The following STAG1 variants were observed in gnomAD, a reference collection of about 807,000 sequenced individuals.
The protein encoded by STAG1 is cohesin subunit SA-1.
A neutral mutation model predicts 170.9 loss-of-function variants in STAG1; 26 were observed. The ratio of observed to expected loss-of-function variants is 0.15; its 90% confidence interval spans 0.11 to 0.21. STAG1 has a LOEUF of 0.21. Among genes scored for constraint, STAG1 ranks in the 10% least tolerant of loss-of-function variants. STAG1 has a pLI of 1.00. For missense variants in STAG1, 964 were observed against 1,509.5 expected (o/e 0.64, Z 5.99); for synonymous variants, 514 against 497.7 (o/e 1.03, Z -0.44).
chr3:136,708,479 G>A (rs1381986392), intron 1 of STAG1, among the ~76,000 whole-genome samples: 5 of 152,018 alleles, frequency 3.3e-5, no homozygotes, highest in Non-Finnish European at 7.4e-5. Context: ...CAAGGAAATA[G>A]GAAGTTATTA....
Position 136,369,228 on chromosome 3 carries a change from C to A in STAG1, c.2425G>T (p.Gly809Cys). The A allele has an allele frequency of 6.2e-7, 1 of 1,603,908 alleles. No homozygotes were observed. The highest frequency in any genetic ancestry group is 1.1e-5 in the South Asian group (1 of 88,896). The change falls in exon 24 of 34, where the codon GGT becomes TGT. Residue 809 changes from glycine (G) to cysteine (C), a missense_variant. This residue lies in a region of STAG1 where 232 missense variants were observed against 313.0 expected (regional missense o/e 0.74). Transcript: ENST00000383202. Reference protein sequence around the residue: ...LMIFSHQLMTGGREGLQPLVF... With the variant: ...LMIFSHQLMTCGREGLQPLVF... ...AAAGGCTGAAGGCCCTCTCTGCCAC[C>A]TGTCATTAATTGGTGGCTGAAAATC...
chr3:136,417,844 CT>C (rs758641120), intron 21 of STAG1, 40 bp downstream of exon 21: 4 of 1,514,404 alleles, frequency 2.6e-6, no homozygotes, highest in Non-Finnish European at 3.7e-6. Context: ...AGAAAAACAA[CT>C]TTCTAGAGTC....
chr3:136,531,082 C>T (rs917023006), intron 6 of STAG1, among the ~76,000 whole-genome samples: 4 of 152,096 alleles, frequency 2.6e-5, no homozygotes, highest in African/African-American at 9.7e-5. Context: ...CTAGCCTGGG[C>T]AACAAGAGCG....
intron 28 of STAG1, among the ~76,000 whole-genome samples, chr3:136,350,906 G>C (rs1410098099): frequency 6.6e-6 from 1 of 152,162 alleles, no homozygotes; most frequent in Non-Finnish European, 1.5e-5. Context: ...ACAGCCGGAA[G>C]TTCAACAGAG....
At chr3:136,412,657 A>T (rs542733769) in intron 21 of STAG1, among the ~76,000 whole-genome samples, 3 of 152,312 alleles carry the variant, frequency 2.0e-5, no homozygotes, top group South Asian at 4.1e-4. Flanking sequence ...AAATTTAAAC[A>T]TGCAGATCAG....
At chr3:136,526,973 G>C (rs1070228) in intron 6 of STAG1, among the ~76,000 whole-genome samples, 3 of 152,182 alleles carry the variant, frequency 2.0e-5, no homozygotes, top group Admixed American at 1.3e-4. Context: ...CTGTTAGTCT[G>C]ATGGGCTTCC....
intron 2 of STAG1, among the ~76,000 whole-genome samples, chr3:136,627,281 A>C (rs1940147113): frequency 1.3e-5 from 2 of 152,126 alleles, no homozygotes; most frequent in South Asian, 4.2e-4. Context: ...GAGCAACAGA[A>C]AATATATAAG....
intron 12 of STAG1, among the ~76,000 whole-genome samples, chr3:136,467,519 A>G (rs1576497516): frequency 2.0e-5 from 3 of 151,974 alleles, no homozygotes; most frequent in African/African-American, 7.2e-5. Context: ...AAAGTCCTAA[A>G]AGACCTATAA....
At chr3:136,654,326 G>C (rs557616491) in intron 1 of STAG1, among the ~76,000 whole-genome samples, 74 of 152,200 alleles carry the variant, frequency 4.9e-4, no homozygotes, top group Non-Finnish European at 3.2e-4. Flanking sequence ...AAAAAAATCA[G>C]TTGCATTTCT....
In STAG1 at chr3:136,526,587, C is replaced by T. The variant is rs1287597327; in HGVS notation, c.472-5170G>A. On this transcript the variant is annotated intron_variant, in intron 6 of 33. Transcript: ENST00000383202. ...GTGTCTTTTAATTGGAGCATTTAGT[C>T]CATTTACATTTAAGGTTAATATTGT... Among the ~76,000 whole-genome samples the T allele has an allele frequency of 5.9e-5, 9 of 152,244 alleles. No individual in the cohort carries two copies. The East Asian group carries it at 1.3e-3, about 23-fold the overall frequency.
intron 1 of STAG1, among the ~76,000 whole-genome samples, chr3:136,743,088 C>T (rs1294876676): frequency 1.3e-5 from 2 of 152,076 alleles, no homozygotes; most frequent in African/African-American, 4.8e-5. Context: ...ACATACTGGC[C>T]AGATGCAGTG....
At chr3:136,404,324 TC>T (rs373615971) in intron 21 of STAG1, among the ~76,000 whole-genome samples, 58 of 152,292 alleles carry the variant, frequency 3.8e-4, no homozygotes, top group African/African-American at 1.3e-3. Context: ...CCCTCCTGTT[TC>T]CATGAGGAAA....
intron 13 of STAG1, among the ~76,000 whole-genome samples, chr3:136,463,445 T>A (rs1213746248): frequency 6.6e-6 from 1 of 152,162 alleles, no homozygotes; most frequent in Non-Finnish European, 1.5e-5. Context: ...AAGAAGAAGT[T>A]AGAATACATA....
Position 136,473,055 on chromosome 3 carries a change from C to T in STAG1, c.1125+484G>A, listed in dbSNP as rs368533344. 1.1e-4 allele frequency among the ~76,000 whole-genome samples: 17 copies of T among 152,260 alleles called. No homozygotes were observed. The South Asian group carries it at 3.5e-3, about 32-fold the overall frequency. On this transcript the variant is annotated intron_variant, in intron 11 of 33. Transcript: ENST00000383202. ...TGAGCTCCAAGTCTTGTCAAATCAG[C>T]AGTGGCATTAGATTCTCAATAGGAA...
intron 22 of STAG1, among the ~76,000 whole-genome samples, chr3:136,380,934 C>T (rs144721531): frequency 1.5e-3 from 227 of 150,088 alleles, no homozygotes; most frequent in Non-Finnish European, 2.7e-3. Flanking sequence ...GCAAGAGAAT[C>T]GCTTGAACCC....
At chr3:136,498,588 T>G (rs544014809) in intron 9 of STAG1, among the ~76,000 whole-genome samples, 2 of 151,834 alleles carry the variant, frequency 1.3e-5, no homozygotes, top group African/African-American at 4.8e-5. Context: ...ATTCATTATC[T>G]CGCTTGTGGT....
intron 23 of STAG1, among the ~76,000 whole-genome samples, chr3:136,374,615 C>T (rs1046892948): frequency 6.8e-6 from 1 of 147,456 alleles, no homozygotes; most frequent in Non-Finnish European, 1.5e-5. Context: ...AAAACTCCGT[C>T]TCAAAAAAAA....
chr3:136,748,045 G>C (rs1362158093), intron 1 of STAG1, among the ~76,000 whole-genome samples: 6 of 151,034 alleles, frequency 4.0e-5, no homozygotes, highest in Admixed American at 3.3e-4. Flanking sequence ...AAAGTGCTGG[G>C]ATTACAGGCG....
intron 1 of STAG1, among the ~76,000 whole-genome samples, chr3:136,644,172 TTAAA>T (rs1290423283): frequency 2.0e-5 from 3 of 152,200 alleles, no homozygotes; most frequent in African/African-American, 4.8e-5. Flanking sequence ...ATATTTACTA[TTAAA>T]TAAATATTAT....
Sources: gnomAD v4.1 joint callset for allele counts (sites outside exome capture counted in the v4.1 genomes callset) on GRCh38, gnomAD v4.1.1 for gene constraint, gnomAD v4.1.1 regional missense constraint, MANE v1.5 for transcripts, NCBI Gene and HGNC (gene_info 2026-07-23, HGNC 2026-07-21) for gene names.